NECAB2: variants seen among roughly 807,000 people sequenced by gnomAD.
NECAB2 encodes the protein N-terminal EF-hand calcium binding protein 2, also known as N-terminal EF-hand calcium-binding protein 2.
Under a neutral mutation model 51.9 loss-of-function variants are expected in NECAB2, and 68 were observed. The observed-to-expected ratio is 1.31, with a 90% CI of 1.08 to 1.60. NECAB2 has a LOEUF of 1.60. Ranked by LOEUF, NECAB2 falls within the 40% of genes most tolerant of loss-of-function variation. The pLI is 0.00. For missense variants in NECAB2, 854 were observed against 490.3 expected, an observed-to-expected ratio of 1.74 and a Z score of -7.00; for synonymous variants, 329 against 203.5, an observed-to-expected ratio of 1.62 and a Z score of -5.25.
At chr16:83,997,462 C>T (rs892469769) in intron 9 of NECAB2, among the ~76,000 whole-genome samples, 193 bp downstream of exon 9, 2 of 119,566 alleles carry the variant, frequency 1.7e-5, no homozygotes, top group Middle Eastern at 4.5e-3. Context: ...GGGGGTATTT[C>T]TTGAGGCTCC....
chr16:83,991,141 C>A (rs1324317778), intron 6 of NECAB2, among the ~76,000 whole-genome samples: 1 of 151,916 alleles, frequency 6.6e-6, no homozygotes, highest in Non-Finnish European at 1.5e-5. Flanking sequence ...TAACACCATG[C>A]CTGGCTGATT....
intron 6 of NECAB2, chr16:83,993,467 C>T (rs927558804): frequency 5.8e-5 from 9 of 154,118 alleles, no homozygotes; most frequent in African/African-American, 1.4e-4. Context: ...GTGTTGGGGC[C>T]GTGCACAGGG....
intron 2 of NECAB2, among the ~76,000 whole-genome samples, chr16:83,977,345 G>A (rs13337670): frequency 0.085 from 12,858 of 152,112 alleles, 970 homozygotes; most frequent in African/African-American, 0.2. Flanking sequence ...GAGCTTGCTG[G>A]CATTTGCTCA....
At chr16:83,980,722 G>T in intron 3 of NECAB2, 117 bp from the exon 4 acceptor site, 1 of 1,372,162 alleles carries the variant, frequency 7.3e-7, no homozygotes, top group Non-Finnish European at 1.0e-6. Context: ...GAGCTTGTGG[G>T]GCCAGCACAC....
In NECAB2 at chr16:83,994,360, C is replaced by G. The variant is rs1351534417; in HGVS notation, c.655C>G (p.Pro219Ala). The G allele has an allele frequency of 1.9e-6, 3 of 1,614,084 alleles. No individual in the cohort carries two copies. Among genetic ancestry groups the G allele is most frequent in the African/African-American group, 1.3e-5 (1 of 74,922 alleles). The change falls in exon 7 of 13, where the codon CCC (proline) becomes GCC (alanine). Residue 219 changes from proline (P) to alanine (A), a missense_variant. By Grantham distance (27) the Pro-to-Ala change is conservative (BLOSUM62 -1). Transcript: ENST00000305202. The stretch of plus-strand genomic sequence containing the variant: ...ACAGACCTGGTGTGGAAGCCCCACT[C>G]CCGCCTCTGCCCCCAACCACAAGCT... ...AAQTWCGSPT[P>A]ASAPNHKLMA...
chr16:83,998,252 G>A lies in NECAB2; in HGVS notation c.897G>A (p.Leu299=), dbSNP rs768645918. The change falls in exon 10 of 13, where the codon CTG becomes CTA. Residue 299 remains leucine (L), a synonymous_variant. Coordinates refer to ENST00000305202, the MANE Select transcript of NECAB2 (RefSeq NM_019065.3). ...AGATGGCCGTGTGCCCCGAGCAACT[G>A]AGCGAGTTTCTGGACTCTCTGCGCC... is the stretch of plus-strand genomic sequence containing the variant. ...RQEMAVCPEQ[L]SEFLDSLRQY... 22 of 1,612,854 alleles carry A rather than the reference G, an allele frequency of 1.4e-5. No homozygotes were observed. Among genetic ancestry groups the A allele is most frequent in the African/African-American group, 2.7e-5 (2 of 74,904 alleles).
intron 5 of NECAB2, among the ~76,000 whole-genome samples, chr16:83,982,355 T>C (rs1275591596): frequency 6.6e-6 from 1 of 152,242 alleles, no homozygotes; most frequent in Non-Finnish European, 1.5e-5. Flanking sequence ...GAGTATATTT[T>C]AATACCATGT....
chr16:83,992,612 C>G (rs945701107), intron 6 of NECAB2, among the ~76,000 whole-genome samples: 2 of 152,160 alleles, frequency 1.3e-5, no homozygotes, highest in Non-Finnish European at 2.9e-5. Flanking sequence ...TCGTGTGTTT[C>G]TTCGTAGTTG....
At position 83,974,921 on chromosome 16, in the gene NECAB2, GGGA is replaced by G. The variant is rs1203395488; in HGVS notation, c.226+2747_226+2749del. Among the ~76,000 whole-genome samples the G allele has an allele frequency of 1.2e-4, 16 of 132,512 alleles. 1 individual carries two copies. Among genetic ancestry groups the G allele is most frequent in the African/African-American group, 6.1e-4 (16 of 26,330 alleles). 86.9% of individuals were successfully genotyped at this position (132,512 alleles called of 152,430 possible). On this transcript the variant is annotated intron_variant, in intron 2 of 12. Transcript: ENST00000305202. ...AGGTGTGCAGGGAGGCGTGGGTGCG[GGGA>G]TGGGAACAGGTGTGCAGGGAGGTGT...
At chr16:83,967,209 C>T (rs1597187267), upstream of NECAB2, among the ~76,000 whole-genome samples, 1 of 152,086 alleles carries the variant, frequency 6.6e-6, no homozygotes, top group Non-Finnish European at 1.5e-5. Context: ...TTTGTGGAAT[C>T]ATTTCAGTGT....
At chr16:83,972,437 T>C (rs975223313) in intron 2 of NECAB2, among the ~76,000 whole-genome samples, 1 of 152,190 alleles carries the variant, frequency 6.6e-6, no homozygotes, top group African/African-American at 2.4e-5. Flanking sequence ...CCAAGAACAA[T>C]GACTGGCCGT....
intron 3 of NECAB2, among the ~76,000 whole-genome samples, chr16:83,979,263 C>G (rs1180419637): frequency 6.6e-6 from 1 of 152,200 alleles, no homozygotes; most frequent in East Asian, 1.9e-4. Flanking sequence ...TCTCCTTTCT[C>G]AGGCCTACTC....
intron 2 of NECAB2, among the ~76,000 whole-genome samples, chr16:83,976,429 G>C (rs749944022): frequency 6.6e-6 from 1 of 152,192 alleles, no homozygotes; most frequent in East Asian, 1.9e-4. Context: ...GAGTGAGTCC[G>C]TGGAAGGTAC....
intron 11 of NECAB2, 65 bp from the exon 12 acceptor site, chr16:84,001,760 C>T: frequency 1.9e-6 from 3 of 1,557,696 alleles, no homozygotes; most frequent in South Asian, 2.2e-5. Flanking sequence ...CTAGGATTAA[C>T]AGGGGAGCCA....
intron 1 of NECAB2, 108 bp from the exon 2 acceptor site, chr16:83,972,043 C>T: frequency 6.7e-7 from 1 of 1,487,856 alleles, no homozygotes; most frequent in Non-Finnish European, 9.2e-7. Context: ...TTCCCAGGAC[C>T]CTAAGCTGCT....
Position 83,997,130 on chromosome 16 carries a change from A to C in NECAB2, c.796-86A>C, listed in dbSNP as rs535292460. On this transcript the variant is annotated intron_variant, in intron 8 of 12. Coordinates refer to ENST00000305202, the MANE Select transcript of NECAB2 (RefSeq NM_019065.3). Reference sequence around the variant, plus strand: ...AGGGCCGGGTCCTTGGGAGCTCCCAACAGCCCCAGGGATCCCAGAGCTCCT... The same window carrying C: ...AGGGCCGGGTCCTTGGGAGCTCCCACCAGCCCCAGGGATCCCAGAGCTCCT... The C allele has an allele frequency of 5.7e-5, 89 of 1,556,444 alleles. 1 individual carries two copies. The African/African-American group carries it at 7.0e-4, about 12-fold the overall frequency.
intron 2 of NECAB2, among the ~76,000 whole-genome samples, chr16:83,975,739 C>CGCTGACAG (rs774416252): frequency 6.6e-6 from 1 of 152,084 alleles, no homozygotes. Flanking sequence ...GGGACATGGA[C>CGCTGACAG]GCTGACAGGC....
intron 11 of NECAB2, 90 bp from the exon 12 acceptor site, chr16:84,001,735 C>G: frequency 1.4e-6 from 2 of 1,397,210 alleles, no homozygotes; most frequent in East Asian, 2.4e-5. Context: ...ATAAGCTCCC[C>G]ATTTTGGGCT....
intron 6 of NECAB2, among the ~76,000 whole-genome samples, chr16:83,991,368 CT>C (rs1167275437): frequency 7.4e-3 from 593 of 80,246 alleles, no homozygotes; most frequent in Non-Finnish European, 9.4e-3. Flanking sequence ...CTTTTCTTTT[CT>C]TTTTTTTTTT....
Sources: gnomAD v4.1 joint callset for allele counts (sites outside exome capture counted in the v4.1 genomes callset) on GRCh38, gnomAD v4.1.1 for gene constraint, MANE v1.5 for transcripts, NCBI Gene and HGNC (gene_info 2026-07-23, HGNC 2026-07-21) for gene names.